DAB1: variants seen among roughly 807,000 people sequenced by gnomAD.
DAB1 encodes the protein disabled homolog 1.
Under a neutral mutation model 64.6 loss-of-function variants are expected in DAB1, and 15 were observed. The observed-to-expected ratio is 0.23, with a 90% CI of 0.16 to 0.36. DAB1 has a LOEUF of 0.36. Ranked by LOEUF, DAB1 falls within the 10% of genes least tolerant of loss-of-function variation. The pLI is 1.00. For synonymous variants in DAB1, 235 were observed against 251.9 expected (o/e 0.93, Z 0.64); for missense variants, 596 against 706.7 (o/e 0.84, Z 1.78).
intron 4 of DAB1, among the ~76,000 whole-genome samples, chr1:57,123,886 G>T (rs975606533): frequency 6.6e-6 from 1 of 152,038 alleles, no homozygotes; most frequent in Non-Finnish European, 1.5e-5. Context: ...TCTTGATTGG[G>T]TTTATATCTA....
At chr1:58,355,446 C>T (rs1644100943) in intron 3 of DAB1, among the ~76,000 whole-genome samples, 2 of 152,134 alleles carry the variant, frequency 1.3e-5, no homozygotes, top group South Asian at 4.2e-4. Flanking sequence ...AATTTTTTTT[C>T]CCCATCACTA....
intron 1 of DAB1, among the ~76,000 whole-genome samples, chr1:57,349,833 T>C (rs1281350723): frequency 6.6e-6 from 1 of 152,210 alleles, no homozygotes; most frequent in East Asian, 1.9e-4. Flanking sequence ...TACAAAAGAA[T>C]ATCTTTTTAT....
chr1:57,572,155 C>T (rs1369927868), intron 7 of DAB1, among the ~76,000 whole-genome samples: 6 of 152,118 alleles, frequency 3.9e-5, no homozygotes, highest in African/African-American at 1.4e-4. Context: ...AGATGGAAGT[C>T]AAAAAGCTTC....
At chr1:57,057,854 C>T (rs1287839151) in intron 9 of DAB1, among the ~76,000 whole-genome samples, 15 of 152,068 alleles carry the variant, frequency 9.9e-5, no homozygotes, top group Non-Finnish European at 2.1e-4. Flanking sequence ...CTGATCCGCC[C>T]GCCTTGGCCT....
At position 57,925,525 on chromosome 1, in the gene DAB1, T is replaced by C. The variant is rs545279696; in HGVS notation, n.388-41363A>G. 2.0e-5 allele frequency among the ~76,000 whole-genome samples: 3 copies of C among 152,318 alleles called. No individual in the cohort carries two copies. The South Asian group carries it at 6.2e-4, about 32-fold the overall frequency. On this transcript the variant is annotated intron_variant and non_coding_transcript_variant, in intron 5 of 20. Coordinates refer to the DAB1 transcript ENST00000485760. Reference sequence around the variant, plus strand: ...TATGTGTCAGAAACTAGACTCTAGATACTGGGGCCACTGAAAACAGAGCAC... The same window carrying C: ...TATGTGTCAGAAACTAGACTCTAGACACTGGGGCCACTGAAAACAGAGCAC...
chr1:57,669,044 G>T (rs1242112727), intron 6 of DAB1, among the ~76,000 whole-genome samples: 1 of 152,054 alleles, frequency 6.6e-6, no homozygotes, highest in Non-Finnish European at 1.5e-5. Context: ...TAATTACCTA[G>T]GTGACTGAAT....
intron 4 of DAB1, among the ~76,000 whole-genome samples, chr1:57,087,479 G>A (rs1156311113): frequency 6.6e-6 from 1 of 152,224 alleles, no homozygotes; most frequent in Non-Finnish European, 1.5e-5. Flanking sequence ...AGGGCAGAAG[G>A]AGGCAGCTCC....
intron 5 of DAB1, among the ~76,000 whole-genome samples, chr1:58,044,037 C>A (rs530329365): frequency 6.6e-6 from 1 of 152,184 alleles, no homozygotes; most frequent in East Asian, 1.9e-4. Context: ...AACTTAACTA[C>A]TTTATAGCAT....
chr1:58,254,125 T>G (rs1660868267), intron 4 of DAB1, among the ~76,000 whole-genome samples: 2 of 152,152 alleles, frequency 1.3e-5, no homozygotes, highest in African/African-American at 4.8e-5. Flanking sequence ...AGATCCACAC[T>G]CAAGGGGAAA....
intron 2 of DAB1, among the ~76,000 whole-genome samples, chr1:57,184,030 G>T (rs1440648972): frequency 6.6e-6 from 1 of 152,122 alleles, no homozygotes; most frequent in African/African-American, 2.4e-5. Flanking sequence ...TAAAGCCACT[G>T]CTCTCCACTT....
At chr1:57,756,550 G>A (rs72664639) in intron 6 of DAB1, among the ~76,000 whole-genome samples, 7,154 of 152,134 alleles carry the variant, frequency 0.047, 259 homozygotes, top group South Asian at 0.069. Flanking sequence ...GGTTTTAATC[G>A]GAAATGACAT....
chr1:57,978,274 A>C (rs964034330), intron 5 of DAB1, among the ~76,000 whole-genome samples: 1 of 152,106 alleles, frequency 6.6e-6, no homozygotes, highest in African/African-American at 2.4e-5. Context: ...CATCTACAAC[A>C]ATCTGATCTT....
At chr1:57,403,114 A>G (rs1683376404) in intron 1 of DAB1, among the ~76,000 whole-genome samples, 1 of 152,082 alleles carries the variant, frequency 6.6e-6, no homozygotes, top group African/African-American at 2.4e-5. Context: ...GGCTGACCTC[A>G]CCGTCTGGCT....
At chr1:57,732,031 C>A (rs1302829980) in intron 6 of DAB1, among the ~76,000 whole-genome samples, 1 of 152,108 alleles carries the variant, frequency 6.6e-6, no homozygotes, top group Non-Finnish European at 1.5e-5. Context: ...TAGGGAAGGG[C>A]ATTCTGGAAT....
chr1:57,987,667 G>A (rs573600618), intron 5 of DAB1, among the ~76,000 whole-genome samples: 1 of 152,262 alleles, frequency 6.6e-6, no homozygotes, highest in South Asian at 2.1e-4. Flanking sequence ...AAATGGAGAT[G>A]ACTTCTTTCC....
At chr1:57,069,832 G>T (rs982992649) in intron 7 of DAB1, among the ~76,000 whole-genome samples, 5 of 152,070 alleles carry the variant, frequency 3.3e-5, no homozygotes, top group South Asian at 4.1e-4. Context: ...TTTCCCTAAG[G>T]TTCAAAATCC....
chr1:57,420,588 A>T (rs1275525124), intron 1 of DAB1, among the ~76,000 whole-genome samples: 3 of 152,242 alleles, frequency 2.0e-5, no homozygotes, highest in Non-Finnish European at 4.4e-5. Context: ...AGCTGGATTC[A>T]ATCCTGGTCT....
intron 4 of DAB1, among the ~76,000 whole-genome samples, chr1:58,220,182 G>T (rs1659083604): frequency 6.6e-6 from 1 of 152,176 alleles, no homozygotes; most frequent in Non-Finnish European, 1.5e-5. Context: ...AGCAAAAGAT[G>T]GTTGAAAATT....
At chr1:57,500,417 A>G (rs1462748227) in intron 7 of DAB1, among the ~76,000 whole-genome samples, 2 of 152,256 alleles carry the variant, frequency 1.3e-5, no homozygotes, top group Non-Finnish European at 2.9e-5. Flanking sequence ...CAGAGATTTC[A>G]AAGAAATTCA....
Sources: gnomAD v4.1 joint callset for allele counts (sites outside exome capture counted in the v4.1 genomes callset) on GRCh38, gnomAD v4.1.1 for gene constraint, MANE v1.5 for transcripts, NCBI Gene and HGNC (gene_info 2026-07-23, HGNC 2026-07-21) for gene names.